The following PTPRF variants were observed in gnomAD, a reference collection of about 807,000 sequenced individuals.
PTPRF encodes the protein protein tyrosine phosphatase receptor type F, also known as receptor-type tyrosine-protein phosphatase F.
A neutral mutation model predicts 201.8 loss-of-function variants in PTPRF; 59 were observed. The observed-to-expected ratio is 0.29, with a 90% CI of 0.24 to 0.36. The LOEUF (loss-of-function observed/expected upper bound fraction) is 0.36, where lower values mean the gene tolerates loss of function less well. Among genes scored for constraint, PTPRF ranks in the 10% least tolerant of loss-of-function variants. PTPRF has a pLI of 1.00. For missense variants in PTPRF, 2,132 were observed against 2,690.5 expected (o/e 0.79, Z 4.59); for synonymous variants, 1,088 against 1,089.7 (o/e 1.00, Z 0.03).
At position 43,591,321 on chromosome 1, in the gene PTPRF, G is replaced by C; in HGVS notation, c.1299G>C (p.Gln433His). ...RMLSASTMLV[Q>H]WEPPEEPNGL... ...TGAGCGCCAGCACCATGCTGGTGCA[G>C]TGGGAGCCTCCCGAGGAGCCCAACG... The change falls in exon 9 of 34, where the codon CAG becomes CAC. Residue 433 changes from glutamine to histidine, a missense_variant. Around this residue, in one of 6 missense-constraint regions of PTPRF, gnomAD observed 351 missense variants for 401.7 expected, o/e 0.87. Transcript: ENST00000359947. The C allele has an allele frequency of 1.3e-6, 2 of 1,551,894 alleles. No homozygotes were observed. The highest frequency in any genetic ancestry group is 1.7e-6 in the Non-Finnish European group (2 of 1,149,200).
chr1:43,591,839 C>T lies in PTPRF; in HGVS notation c.1559C>T (p.Ala520Val). The T allele has an allele frequency of 6.2e-7, 1 of 1,613,394 alleles. No individual in the cohort carries two copies. The highest frequency in any genetic ancestry group is 8.5e-7 in the Non-Finnish European group (1 of 1,180,006). ...CCTGCCCAGCCCGCGGACTTCCAGG[C>T]CGAGGTGGAGTCGGACACCAGGATC... ...GVPAQPADFQ[A>V]EVESDTRIQL... Residue 520 changes from alanine to valine, a missense_variant, in exon 10 of 34, where the codon GCC (alanine) becomes GTC (valine). Around this residue, in one of 6 missense-constraint regions of PTPRF, gnomAD observed 351 missense variants for 401.7 expected, o/e 0.87. Transcript: ENST00000359947.
intron 22 of PTPRF, chr1:43,612,923 T>C: frequency 1.2e-6 from 1 of 868,326 alleles, no homozygotes; most frequent in South Asian, 1.4e-5. Flanking sequence ...CTTCCCTTTC[T>C]TCTCCCCCAA....
chr1:43,616,241 A>G (rs11804031), intron 23 of PTPRF, among the ~76,000 whole-genome samples: 19,418 of 149,634 alleles, frequency 0.13, 1,732 homozygotes, highest in African/African-American at 0.26. Flanking sequence ...AATGGAACCT[A>G]TCTCGTATGA....
chr1:43,530,316 A>G (rs1643328420), upstream of PTPRF, among the ~76,000 whole-genome samples: 2 of 151,794 alleles, frequency 1.3e-5, no homozygotes, highest in Non-Finnish European at 2.9e-5. The surrounding 1 kb of genome is among the most constrained non-coding windows in gnomAD (Gnocchi z 4.1). Flanking sequence ...TAGCTTTTGG[A>G]CTTTAGGGTT....
chr1:43,603,732 C>T lies in PTPRF; in HGVS notation c.2580C>T (p.Ala860=), dbSNP rs772134870. The change falls in exon 16 of 34, where the codon GCC becomes GCT. Residue 860 remains alanine, a synonymous_variant. Coordinates refer to ENST00000359947, the MANE Select transcript of PTPRF (RefSeq NM_002840.5). The surrounding 1 kb of genome is among the most constrained non-coding windows in gnomAD (Gnocchi z 5.8). ...GCTACCGGCTGCAGTACTGCCGGGC[C>T]GACGAGGCGCGGCCCAACACCATAG... The part of the protein sequence containing the change: ...LLGYRLQYCR[A]DEARPNTIDF... 10 of 1,613,778 alleles carry T rather than the reference C, an allele frequency of 6.2e-6. No individual in the cohort carries two copies. Among genetic ancestry groups the T allele is most frequent in the Middle Eastern group, 3.3e-4 (2 of 6,062 alleles).
chr1:43,592,388 A>G, intron 10 of PTPRF, 69 bp from the exon 11 acceptor site: 1 of 1,541,628 alleles, frequency 6.5e-7, no homozygotes, highest in Non-Finnish European at 8.8e-7. Flanking sequence ...ATTGCAGCCC[A>G]TGTTGGGGAA....
rs1269755173 is a variant in PTPRF, at chr1:43,606,302, T to G, written c.3546T>G (p.Arg1182=). 3 of 1,614,016 alleles carry G rather than the reference T, an allele frequency of 1.9e-6. No individual in the cohort carries two copies. In the South Asian group the frequency reaches 3.3e-5, roughly 18 times the overall value. ...GGCGGCGGCGGCGGCAGGCAGAACG[T>G]CTGAAGCCATATGTGGCTGCTCAAC... The part of the protein sequence containing the change: ...EQRRRRRQAE[R]LKPYVAAQLD... The change falls in exon 20 of 34, where the codon CGT becomes CGG. Residue 1182 remains arginine (R), a synonymous_variant. Transcript: ENST00000359947.
Position 43,583,831 on chromosome 1 carries a change from GCCCAAGCTT to G in PTPRF, c.680-4895_680-4887del, listed in dbSNP as rs1244011976. ...CCTCCTACCTGCCCCAGGCCCCTCT[GCCCAAGCTT>G]CCCAGCTAGCTCCCGTGTCTGTTTG... On this transcript the variant is annotated intron_variant, in intron 7 of 33. Coordinates refer to ENST00000359947, the MANE Select transcript of PTPRF (RefSeq NM_002840.5). Among the ~76,000 whole-genome samples, 3 of 152,262 alleles carry G rather than the reference GCCCAAGCTT, an allele frequency of 2.0e-5. No homozygotes were observed. The East Asian group carries it at 5.8e-4, about 29-fold the overall frequency.
rs931903976 is a variant in PTPRF at position 43,578,737 on chromosome 1, C to T, written c.569-73C>T. Reference sequence around the variant, plus strand: ...GGTCAACATCAGCCACAGATGCTGTCGAGACCTCTCACCGTGTTCCAGGCC... The same window carrying T: ...GGTCAACATCAGCCACAGATGCTGTTGAGACCTCTCACCGTGTTCCAGGCC... On this transcript the variant is annotated intron_variant, in intron 6 of 33. Coordinates refer to ENST00000359947, the MANE Select transcript of PTPRF (RefSeq NM_002840.5). 120 of 1,123,270 alleles carry T rather than the reference C, an allele frequency of 1.1e-4. 1 individual carries two copies. In the African/African-American group the frequency reaches 1.1e-3, roughly 10 times the overall value. 69.6% of individuals were successfully genotyped at this position (1,123,270 alleles called of 1,614,324 possible).
chr1:43,552,864 G>T (rs1645121398), intron 3 of PTPRF, among the ~76,000 whole-genome samples: 1 of 152,046 alleles, frequency 6.6e-6, no homozygotes, highest in Non-Finnish European at 1.5e-5. Context: ...TAACTAAGTC[G>T]GGGGGGAGGG....
Position 43,617,830 on chromosome 1 carries a change from C to G in PTPRF, c.4290C>G (p.Thr1430=). 2 of 1,613,996 alleles carry G rather than the reference C, an allele frequency of 1.2e-6. No individual in the cohort carries two copies. The highest frequency in any genetic ancestry group is 8.5e-7 in the Non-Finnish European group (1 of 1,179,922). The change falls in exon 25 of 34, where the codon ACC becomes ACG. Residue 1430 remains threonine, a synonymous_variant. Coordinates refer to ENST00000359947, the MANE Select transcript of PTPRF (RefSeq NM_002840.5). ...CCACGCAGGGCCCCCTGCCCGAGAC[C>G]ATGGGTGATTTCTGGAGGATGGTGT... is the stretch of plus-strand genomic sequence containing the variant. The part of the protein sequence containing the change: ...YIATQGPLPE[T]MGDFWRMVWE...
chr1:43,536,481 C>T (rs1177062795), intron 1 of PTPRF, among the ~76,000 whole-genome samples: 1 of 152,214 alleles, frequency 6.6e-6, no homozygotes, highest in Non-Finnish European at 1.5e-5. Flanking sequence ...AGTCTCCAAG[C>T]ACGAGACCCT....
intron 7 of PTPRF, among the ~76,000 whole-genome samples, chr1:43,583,431 G>A (rs1167418216): frequency 6.6e-6 from 1 of 152,202 alleles, no homozygotes; most frequent in Admixed American, 6.5e-5. Flanking sequence ...TCCAGGCGGT[G>A]CTCAGGAATG....
chr1:43,549,634 C>T (rs933754666), intron 3 of PTPRF, among the ~76,000 whole-genome samples: 1 of 152,138 alleles, frequency 6.6e-6, no homozygotes, highest in African/African-American at 2.4e-5. Flanking sequence ...GCAGGTGGAT[C>T]GCCAGAGCTC....
chr1:43,553,860 C>G lies in PTPRF; in HGVS notation c.298C>G (p.Arg100Gly). Reference protein sequence around the residue: ...VLRIQPLRVQRDEAIYECTAT... With the variant: ...VLRIQPLRVQGDEAIYECTAT... ...TCGGATCCAGCCATTGCGGGTGCAG[C>G]GAGATGAAGCCATCTATGAGTGTAC... The change falls in exon 5 of 34, where the codon CGA (arginine) becomes GGA (glycine). Residue 100 changes from arginine (R) to glycine (G), a missense_variant. Arg to Gly is a moderately radical substitution (Grantham distance 125). Around this residue, in one of 6 missense-constraint regions of PTPRF, gnomAD observed 297 missense variants for 454.0 expected, o/e 0.65. Coordinates refer to ENST00000359947, the MANE Select transcript of PTPRF (RefSeq NM_002840.5). This position sits in a 1 kb window ranked among gnomAD's most constrained non-coding sequence, Gnocchi z 4.1. 1.2e-6 allele frequency: 2 copies of G among 1,614,092 alleles called. No individual in the cohort carries two copies. Among genetic ancestry groups the G allele is most frequent in the Non-Finnish European group, 1.7e-6 (2 of 1,180,024 alleles).
intron 1 of PTPRF, among the ~76,000 whole-genome samples, chr1:43,534,478 G>C (rs1245686603): frequency 6.6e-6 from 1 of 152,172 alleles, no homozygotes; most frequent in Non-Finnish European, 1.5e-5. Flanking sequence ...TGTCAGGACA[G>C]AATGATTTAT....
chr1:43,621,290 A>G, intron 33 of PTPRF, 58 bp downstream of exon 33: 1 of 1,588,572 alleles, frequency 6.3e-7, no homozygotes, highest in South Asian at 1.1e-5. Context: ...TGGGAACCCT[A>G]GGCTTTAGCA....
At chr1:43,592,363 G>A (rs2117316) in intron 10 of PTPRF, 94 bp from the exon 11 acceptor site, 456,529 of 1,465,444 alleles carry the variant, frequency 0.31, 73,845 homozygotes, top group East Asian at 0.43. Context: ...GCCGTGGTGG[G>A]TCCAGAGGTG....
intron 2 of PTPRF, 52 bp from the exon 3 acceptor site, chr1:43,544,979 A>G: frequency 9.2e-7 from 1 of 1,083,194 alleles, no homozygotes; most frequent in Non-Finnish European, 1.3e-6. Context: ...GGTGGGCATT[A>G]GGGACAGCAG....
Sources: gnomAD v4.1 joint callset for allele counts (sites outside exome capture counted in the v4.1 genomes callset) on GRCh38, gnomAD v4.1.1 for gene constraint, gnomAD v4.1.1 regional missense constraint, Gnocchi (gnomAD v3.1) non-coding constraint, MANE v1.5 for transcripts, NCBI Gene and HGNC (gene_info 2026-07-23, HGNC 2026-07-21) for gene names.